The following TTC6 variants were observed in gnomAD, a reference collection of about 807,000 sequenced individuals.
The protein encoded by TTC6 is tetratricopeptide repeat domain 6.
In TTC6, 172 loss-of-function variants were observed where a neutral mutation model predicts 210.4. The observed-to-expected ratio is 0.82, with a 90% CI of 0.72 to 0.93. The LOEUF (loss-of-function observed/expected upper bound fraction) is 0.93. Ranked by LOEUF, TTC6 falls within the 40% of genes least tolerant of loss-of-function variation. The probability of loss-of-function intolerance (pLI) is 0.00; values close to 1 mark genes in which losing one functional copy is unlikely to be tolerated. For missense variants in TTC6, 2,414 were observed against 2,318.1 expected, an observed-to-expected ratio of 1.04 and a Z score of -0.85; for synonymous variants, 804 against 819.6, an observed-to-expected ratio of 0.98 and a Z score of 0.32.
exon 11 of TTC6, chr14:37,749,122 G>A: frequency 6.5e-7 from 1 of 1,535,664 alleles, no homozygotes; most frequent in Admixed American, 2.0e-5. Context: ...GGCTCATTGA[G>A]TACAAAGATG....
Position 37,622,912 on chromosome 14 carries a change from C to G in TTC6, c.848C>G (p.Ser283Cys), listed in dbSNP as rs546322721. Residue 283 changes from serine (S) to cysteine (C), a missense_variant, in exon 1 of 31, where the codon TCT becomes TGT. Physicochemically the swap from Ser to Cys is moderately radical, Grantham distance 112. Coordinates refer to ENST00000553443, the Ensembl canonical transcript of TTC6. ...ACGTCCATCGAAGAGATCATCGCCT[C>G]TCTGCAGTCCGAGGCCCAGCTGGCC... 42 of 1,534,544 alleles carry G rather than the reference C, an allele frequency of 2.7e-5. No individual in the cohort carries two copies. The East Asian group carries it at 1.0e-3, about 38-fold the overall frequency.
At chr14:37,622,474 C>G in exon 1 of TTC6, 1 of 1,535,278 alleles carries the variant, frequency 6.5e-7, no homozygotes, top group Non-Finnish European at 8.7e-7. Context: ...AAAAAGCCCC[C>G]AGTCATCGCC....
chr14:37,748,535 C>T (rs1401852694), intron 10 of TTC6, among the ~76,000 whole-genome samples: 1 of 152,188 alleles, frequency 6.6e-6, no homozygotes, highest in African/African-American at 2.4e-5. Context: ...GTGTAGTCAA[C>T]TCCTGCCTTC....
intron 5 of TTC6, 51 bp from the exon 8 acceptor site, chr14:37,714,604 T>C (rs1190566427): frequency 1.4e-6 from 2 of 1,471,472 alleles, no homozygotes; most frequent in Non-Finnish European, 1.8e-6. Flanking sequence ...AAACACCTTA[T>C]ACTTTGTCAA....
At chr14:37,698,790 TTAAAAA>T (rs747599254) in intron 4 of TTC6, among the ~76,000 whole-genome samples, 1 of 152,172 alleles carries the variant, frequency 6.6e-6, no homozygotes, top group Non-Finnish European at 1.5e-5. Context: ...AGTAACAACC[TTAAAAA>T]TAAACCATTT....
At chr14:37,797,783 C>T (rs2096096131) in intron 20 of TTC6, among the ~76,000 whole-genome samples, 1 of 151,740 alleles carries the variant, frequency 6.6e-6, no homozygotes, top group Admixed American at 6.6e-5. Flanking sequence ...TTAAGTTTTC[C>T]TTTTTCCATT....
chr14:37,642,273 A>G (rs1486648226), intron 1 of TTC6, among the ~76,000 whole-genome samples: 1 of 152,172 alleles, frequency 6.6e-6, no homozygotes, highest in East Asian at 1.9e-4. Flanking sequence ...TGGTGTTGGT[A>G]GGAGCGGTGG....
intron 1 of TTC6, among the ~76,000 whole-genome samples, chr14:37,603,633 C>G (rs141894754): frequency 6.6e-6 from 1 of 152,300 alleles, no homozygotes; most frequent in African/African-American, 2.4e-5. Flanking sequence ...AAGAGACAGA[C>G]CAACCTGTCC....
chr14:37,634,861 A>G (rs947736068), intron 1 of TTC6, among the ~76,000 whole-genome samples: 1 of 152,240 alleles, frequency 6.6e-6, no homozygotes, highest in Admixed American at 6.5e-5. Context: ...CCAGAATTCT[A>G]TTTCCAGTGA....
At position 37,672,241 on chromosome 14, in the gene TTC6, C is replaced by T. The variant is rs550344689; in HGVS notation, c.940-7910C>T. Among the ~76,000 whole-genome samples the T allele has an allele frequency of 2.0e-5, 3 of 152,182 alleles. No homozygotes were observed. In the South Asian group the frequency reaches 6.2e-4, roughly 32 times the overall value. On this transcript the variant is annotated intron_variant, in intron 1 of 30. Transcript: ENST00000553443. ...CTCCCTCCATCCCTTGACCCAGAAC[C>T]CAGCTCTTCTTCACATTTATTTTTC...
intron 3 of TTC6, among the ~76,000 whole-genome samples, chr14:37,692,250 A>G (rs2095805314): frequency 1.3e-5 from 2 of 150,566 alleles, no homozygotes; most frequent in Admixed American, 6.6e-5. Flanking sequence ...AGAAAAAGAA[A>G]ACTACAGGCC....
chr14:37,683,158 T>C (rs2095787685), intron 3 of TTC6, among the ~76,000 whole-genome samples, 194 bp downstream of exon 5: 1 of 152,092 alleles, frequency 6.6e-6, no homozygotes, highest in South Asian at 2.1e-4. Context: ...TGAGGGTTTC[T>C]AGTGTCAACC....
intron 1 of TTC6, among the ~76,000 whole-genome samples, chr14:37,676,470 T>G (rs372062018): frequency 1.3e-5 from 2 of 152,112 alleles, no homozygotes; most frequent in Non-Finnish European, 2.9e-5. Context: ...ACTAGACCCT[T>G]GTCAGGCAAA....
intron 1 of TTC6, among the ~76,000 whole-genome samples, chr14:37,668,879 A>G (rs1001350808): frequency 7.2e-5 from 11 of 152,274 alleles, no homozygotes; most frequent in African/African-American, 2.6e-4. Context: ...AAGCTTGGAA[A>G]GTTTATTATT....
At position 37,622,326 on chromosome 14, in the gene TTC6, G is replaced by A. The variant is rs748642355; in HGVS notation, c.262G>A (p.Ala88Thr). Residue 88 changes from alanine to threonine, a missense_variant, in exon 1 of 31, where the codon GCC becomes ACC. By Grantham distance (58) the Ala-to-Thr change is moderately conservative. Transcript: ENST00000553443. ...TAAAGGCCCTGCGATGTCCGCGGCC[G>A]CCCTCCTGCAGGAGGTGCTCGGAGG... 7.5e-4 allele frequency: 1,156 copies of A among 1,533,324 alleles called. 11 individuals are homozygous for A. In the Middle Eastern group the frequency reaches 0.024, roughly 32 times the overall value. 95.0% of individuals were successfully genotyped at this position (1,533,324 alleles called of 1,614,324 possible).
In TTC6 at chr14:37,597,035, G is replaced by C. The variant is rs563131379; in HGVS notation, c.-235+1027G>C. Among the ~76,000 whole-genome samples, 13 of 150,522 alleles carry C rather than the reference G, an allele frequency of 8.6e-5. No homozygotes were observed. The East Asian group carries it at 2.5e-3, about 29-fold the overall frequency. On this transcript the variant is annotated intron_variant, in intron 1 of 2. Coordinates refer to the TTC6 transcript ENST00000556845. ...TTTTTTTTTTTTTTACAAAAAGGGT[G>C]GGGGGGTAGAAACGTCACATCATAA... is the stretch of plus-strand genomic sequence containing the variant.
exon 7 of TTC6, chr14:37,724,903 T>C: frequency 6.6e-7 from 1 of 1,519,086 alleles, no homozygotes; most frequent in Non-Finnish European, 8.8e-7. Context: ...CAAAGATGTA[T>C]GCTTATCCAG....
exon 17 of TTC6, chr14:37,792,317 A>G (rs1595273653): frequency 1.3e-6 from 2 of 1,532,954 alleles, no homozygotes; most frequent in Non-Finnish European, 1.7e-6. Flanking sequence ...CTACACCTGG[A>G]TAACTACACG....
At chr14:37,684,458 T>C (rs2095790186) in intron 3 of TTC6, among the ~76,000 whole-genome samples, 1 of 152,194 alleles carries the variant, frequency 6.6e-6, no homozygotes, top group Non-Finnish European at 1.5e-5. Context: ...TTACAAAGCA[T>C]GCATTTGGAT....
Sources: gnomAD v4.1 joint callset for allele counts (sites outside exome capture counted in the v4.1 genomes callset) on GRCh38, gnomAD v4.1.1 for gene constraint, MANE v1.5 for transcripts, NCBI Gene and HGNC (gene_info 2026-07-23, HGNC 2026-07-21) for gene names.